Variants in MYOF observed in about 807,000 individuals in gnomAD.
The protein encoded by MYOF is myoferlin.
A neutral mutation model predicts 284.2 loss-of-function variants in MYOF; 244 were observed. The observed-to-expected ratio is 0.86, with a 90% CI of 0.77 to 0.95. The LOEUF is 0.95. Ranked by LOEUF, MYOF falls within the 40% of genes least tolerant of loss-of-function variation. The pLI, the probability that MYOF is intolerant of heterozygous loss-of-function variation, is 0.00. For synonymous variants in MYOF, 904 were observed against 919.7 expected (o/e 0.98, Z 0.31); for missense variants, 2,496 against 2,560.6 (o/e 0.97, Z 0.54).
chr10:93,388,004 T>G, intron 18 of MYOF, 91 bp from the exon 19 acceptor site: 1 of 984,036 alleles, frequency 1.0e-6, no homozygotes. Context: ...CTGCAAAAAG[T>G]TTCTCCTTCC....
chr10:93,325,378 TC>T (rs916667919), intron 46 of MYOF, among the ~76,000 whole-genome samples: 7 of 152,278 alleles, frequency 4.6e-5, no homozygotes, highest in Admixed American at 1.3e-4. Flanking sequence ...TCAATCACTT[TC>T]CCAGACCCTG....
chr10:93,355,040 T>C (rs1169841305), intron 31 of MYOF, among the ~76,000 whole-genome samples: 1 of 152,210 alleles, frequency 6.6e-6, no homozygotes. Context: ...GGTGCCTTTT[T>C]TCCTATAGTT....
In MYOF at chr10:93,379,865, G is replaced by A. The variant is rs1846030327; in HGVS notation, c.1999C>T (p.Leu667=). 6.2e-7 allele frequency: 1 copy of A among 1,613,424 alleles called. No homozygotes were observed. Among genetic ancestry groups the A allele is most frequent in the Non-Finnish European group, 8.5e-7 (1 of 1,179,478 alleles). The change falls in exon 21 of 54, where the codon CTG becomes TTG. Residue 667 remains leucine (L), a splice_region_variant and synonymous_variant. Coordinates refer to ENST00000359263, the MANE Select transcript of MYOF (RefSeq NM_013451.4). ...VNTLLAMAER[L]QTNIEALKSG... is the part of the protein sequence containing the mutation. ...AATGCAGAAAAAGAGAAACTTACCA[G>A]CCGTTCTGCCATAGCTAGGAGAGTG...
At chr10:93,363,772 CCTCATTT>C (rs1845186394) in intron 27 of MYOF, among the ~76,000 whole-genome samples, 182 bp downstream of exon 27, 1 of 152,218 alleles carries the variant, frequency 6.6e-6, no homozygotes, top group Non-Finnish European at 1.5e-5. Flanking sequence ...GTTAAATAGG[CCTCATTT>C]CTATTCTAAA....
chr10:93,451,111 G>A (rs12257616), intron 3 of MYOF, among the ~76,000 whole-genome samples: 2,333 of 152,176 alleles, frequency 0.015, 68 homozygotes, highest in African/African-American at 0.053. Context: ...AGGCTGAAGC[G>A]GGTAGATCAC....
intron 1 of MYOF, among the ~76,000 whole-genome samples, chr10:93,474,837 C>T (rs1422424805): frequency 6.6e-6 from 1 of 151,654 alleles, no homozygotes; most frequent in African/African-American, 2.4e-5. Flanking sequence ...ACCTTCACCT[C>T]CCGAGTTCAA....
At chr10:93,308,975 G>A (rs528740024) in intron 53 of MYOF, among the ~76,000 whole-genome samples, 18 of 152,142 alleles carry the variant, frequency 1.2e-4, no homozygotes, top group Non-Finnish European at 2.2e-4. Context: ...GCCTCCCAAA[G>A]TGCCAGGATT....
rs2057118114 is a variant in MYOF at position 93,470,406 on chromosome 10, T to TC, written c.88+11700_88+11701insG. ...TCCTTTCCAGAAGTTTTTGTTTTTTTGTTTTTTGTTTTTTGAGACAGAGTC... is the reference window on the plus strand; with the variant it reads ...TCCTTTCCAGAAGTTTTTGTTTTTTTCGTTTTTTGTTTTTTGAGACAGAGTC... On this transcript the variant is annotated intron_variant, in intron 1 of 53. Coordinates refer to ENST00000359263, the MANE Select transcript of MYOF (RefSeq NM_013451.4). 2.0e-5 allele frequency among the ~76,000 whole-genome samples: 3 copies of TC among 151,876 alleles called. No individual in the cohort carries two copies. The South Asian group carries it at 6.2e-4, about 31-fold the overall frequency.
At chr10:93,440,383 G>A (rs1275196874) in intron 3 of MYOF, among the ~76,000 whole-genome samples, 1 of 151,176 alleles carries the variant, frequency 6.6e-6, no homozygotes, top group Non-Finnish European at 1.5e-5. Context: ...CTGCACTCCA[G>A]CCTGTCGACA....
In MYOF at chr10:93,366,340, C is replaced by T. The variant is rs373857795; in HGVS notation, c.2753+52G>A. The T allele has an allele frequency of 1.1e-5, 17 of 1,570,142 alleles. No individual in the cohort carries two copies. The African/African-American group carries it at 1.4e-4, about 13-fold the overall frequency. On this transcript the variant is annotated intron_variant, in intron 26 of 53. Coordinates refer to ENST00000359263, the MANE Select transcript of MYOF (RefSeq NM_013451.4). ...GGAGATATAATATATTTAGCAATTT[C>T]TAGAGAAAGATTTCATTGCTATCCT... is the stretch of plus-strand genomic sequence containing the variant.
At chr10:93,312,704 T>C (rs1842443575) in intron 51 of MYOF, among the ~76,000 whole-genome samples, 1 of 152,048 alleles carries the variant, frequency 6.6e-6, no homozygotes, top group Non-Finnish European at 1.5e-5. Flanking sequence ...TACGAAATTG[T>C]ACTAGAAGCC....
chr10:93,397,783 C>T (rs1017003547), intron 13 of MYOF, among the ~76,000 whole-genome samples: 7 of 151,960 alleles, frequency 4.6e-5, no homozygotes, highest in Non-Finnish European at 1.0e-4. Flanking sequence ...ACCATTAACA[C>T]ATCCAGACAG....
intron 5 of MYOF, among the ~76,000 whole-genome samples, chr10:93,419,189 GTAT>G (rs1848254226): frequency 1.3e-5 from 2 of 151,620 alleles, no homozygotes; most frequent in Non-Finnish European, 2.9e-5. Context: ...TTGAGACGGA[GTAT>G]TGTTCTATCG....
intron 5 of MYOF, among the ~76,000 whole-genome samples, chr10:93,410,128 C>T (rs1249566763): frequency 6.6e-6 from 1 of 152,132 alleles, no homozygotes; most frequent in Non-Finnish European, 1.5e-5. Context: ...TCAACTCCAT[C>T]CCTCCCACTG....
intron 1 of MYOF, among the ~76,000 whole-genome samples, chr10:93,462,289 C>T (rs554848072): frequency 2.8e-4 from 43 of 152,188 alleles, no homozygotes; most frequent in Non-Finnish European, 5.4e-4. Flanking sequence ...AGGCTAGTCT[C>T]GAACTCCTGA....
At position 93,333,904 on chromosome 10, in the gene MYOF, G is replaced by T. The variant is rs201634420; in HGVS notation, c.4573C>A (p.Arg1525=). ...GGGTCATCCGGCAGAGGGTAGATCC[G>T]AAAGGAGCCCTAAAAGAGAGAGACA... is the stretch of plus-strand genomic sequence containing the variant. ...SVVGEFKGSF[R]IYPLPDDPSV... The change falls in exon 42 of 54, where the codon CGG becomes AGG. Residue 1525 remains arginine (R), a synonymous_variant. Transcript: ENST00000359263. 5.0e-6 allele frequency: 8 copies of T among 1,613,698 alleles called. No homozygotes were observed. Among genetic ancestry groups the T allele is most frequent in the African/African-American group, 2.7e-5 (2 of 74,878 alleles).
chr10:93,316,336 G>A (rs563293642), intron 50 of MYOF, among the ~76,000 whole-genome samples: 12 of 151,960 alleles, frequency 7.9e-5, no homozygotes, highest in South Asian at 2.1e-4. Flanking sequence ...GAGAAATGGC[G>A]GGGGGGTTGG....
chr10:93,367,898 T>A (rs566391380), intron 25 of MYOF, among the ~76,000 whole-genome samples: 3 of 152,238 alleles, frequency 2.0e-5, no homozygotes, highest in African/African-American at 7.2e-5. Context: ...TCCATTATTA[T>A]TAATGTGCCT....
chr10:93,426,703 A>G (rs1262971187), intron 4 of MYOF, among the ~76,000 whole-genome samples: 2 of 152,120 alleles, frequency 1.3e-5, no homozygotes, highest in Non-Finnish European at 2.9e-5. Flanking sequence ...AACCTGGCCA[A>G]CATGGCGAAA....
Sources: allele counts gnomAD v4.1 joint callset (sites outside exome capture counted in the v4.1 genomes callset), GRCh38; gene constraint gnomAD v4.1.1; transcripts MANE v1.5; gene names NCBI Gene and HGNC (gene_info 2026-07-23, HGNC 2026-07-21).